The following SLC9A9 variants were observed in gnomAD, a reference collection of about 807,000 sequenced individuals.
SLC9A9 encodes the protein solute carrier family 9 member A9, also known as sodium/hydrogen exchanger 9.
Under a neutral mutation model 77.8 loss-of-function variants are expected in SLC9A9, and 62 were observed. That is an observed-to-expected ratio of 0.80 (90% CI 0.65 to 0.98). The LOEUF (loss-of-function observed/expected upper bound fraction) is 0.98, where lower values mean the gene tolerates loss of function less well. Among genes scored for constraint, SLC9A9 ranks in the 50% least tolerant of loss-of-function variants. The pLI, the probability that SLC9A9 is intolerant of heterozygous loss-of-function variation, is 0.00. For missense variants in SLC9A9, 775 were observed against 774.9 expected (o/e 1.00, Z 0.00); for synonymous variants, 320 against 283.5 (o/e 1.13, Z -1.29).
chr3:143,771,857 A>G (rs2007530748), intron 4 of SLC9A9, among the ~76,000 whole-genome samples: 1 of 152,014 alleles, frequency 6.6e-6, no homozygotes, highest in Admixed American at 6.6e-5. Flanking sequence ...TGGAGAAGGG[A>G]CCACATCTCA....
chr3:143,402,441 C>T (rs1444204849), intron 12 of SLC9A9, among the ~76,000 whole-genome samples: 2 of 127,794 alleles, frequency 1.6e-5, no homozygotes, highest in African/African-American at 3.1e-5. Flanking sequence ...TACTTAGCAC[C>T]TTTGTGTTTT....
chr3:143,833,415 C>A (rs942632489), intron 1 of SLC9A9, among the ~76,000 whole-genome samples: 1 of 152,158 alleles, frequency 6.6e-6, no homozygotes, highest in African/African-American at 2.4e-5. Context: ...GTGCTATGAC[C>A]GCTGGGAAGC....
Position 143,337,306 on chromosome 3 carries a change from C to T in SLC9A9, c.1604+26178G>A, listed in dbSNP as rs576836250. Among the ~76,000 whole-genome samples the T allele has an allele frequency of 1.4e-4, 21 of 152,146 alleles. No homozygotes were observed. The East Asian group carries it at 3.1e-3, about 22-fold the overall frequency. On this transcript the variant is annotated intron_variant, in intron 14 of 15. Coordinates refer to ENST00000316549, the MANE Select transcript of SLC9A9 (RefSeq NM_173653.4). ...TCAGAACTGGCCACTGTGGATTTTC[C>T]GAGGCATTTATAGCCTTCTCTAAAT...
chr3:143,274,801 C>A (rs535398540), intron 14 of SLC9A9, among the ~76,000 whole-genome samples: 3 of 152,302 alleles, frequency 2.0e-5, no homozygotes, highest in Non-Finnish European at 4.4e-5. Context: ...GCTACCATAA[C>A]AATTACCTAA....
intron 12 of SLC9A9, among the ~76,000 whole-genome samples, chr3:143,397,877 G>A (rs1178670403): frequency 6.6e-6 from 1 of 152,044 alleles, no homozygotes; most frequent in Non-Finnish European, 1.5e-5. Context: ...AATAAGGGGG[G>A]AATGCATAGA....
intron 8 of SLC9A9, among the ~76,000 whole-genome samples, chr3:143,571,657 G>C (rs543379402): frequency 4.7e-4 from 71 of 152,052 alleles, no homozygotes; most frequent in African/African-American, 1.6e-3. Context: ...TATTATTCCT[G>C]TATAACTCAT....
At chr3:143,514,195 A>G (rs913254875) in intron 9 of SLC9A9, among the ~76,000 whole-genome samples, 1 of 150,382 alleles carries the variant, frequency 6.6e-6, no homozygotes, top group African/African-American at 2.4e-5. Context: ...AAAGAGCAGC[A>G]ATATTTTGAA....
intron 14 of SLC9A9, among the ~76,000 whole-genome samples, chr3:143,356,250 T>C (rs190191796): frequency 6.6e-6 from 1 of 152,222 alleles, no homozygotes; most frequent in Non-Finnish European, 1.5e-5. Flanking sequence ...ACTATTTAAC[T>C]GTTTTAAATG....
intron 10 of SLC9A9, among the ~76,000 whole-genome samples, chr3:143,494,266 T>G (rs1037545371): frequency 6.6e-6 from 1 of 152,242 alleles, no homozygotes; most frequent in African/African-American, 2.4e-5. Flanking sequence ...CCTGTCTAAT[T>G]ACATAATACA....
At chr3:143,653,229 T>C (rs1434213559) in intron 5 of SLC9A9, among the ~76,000 whole-genome samples, 1 of 152,210 alleles carries the variant, frequency 6.6e-6, no homozygotes, top group Non-Finnish European at 1.5e-5. Flanking sequence ...CATGGCCTGC[T>C]ACTATATGCC....
intron 14 of SLC9A9, among the ~76,000 whole-genome samples, chr3:143,272,052 T>G (rs1937913512): frequency 6.6e-6 from 1 of 152,176 alleles, no homozygotes; most frequent in African/African-American, 2.4e-5. Flanking sequence ...CAAATGAGTT[T>G]TCTGAGTGCT....
chr3:143,286,017 A>C (rs1377119229), intron 14 of SLC9A9, among the ~76,000 whole-genome samples: 5 of 152,150 alleles, frequency 3.3e-5, no homozygotes, highest in African/African-American at 7.2e-5. Flanking sequence ...AGAGCCTAGG[A>C]AAGGCTGGAA....
At chr3:143,449,839 T>TAAAATATATA (rs1343040989) in intron 12 of SLC9A9, among the ~76,000 whole-genome samples, 86 of 27,762 alleles carry the variant, frequency 3.1e-3, no homozygotes, top group Non-Finnish European at 3.9e-3. Flanking sequence ...TAATTATATG[T>TAAAATATATA]ATTATATATA....
chr3:143,832,251 G>C, intron 1 of SLC9A9, 30 bp from the exon 2 acceptor site: 1 of 1,574,362 alleles, frequency 6.4e-7, no homozygotes, highest in Non-Finnish European at 8.7e-7. Context: ...TAATGGTACT[G>C]GAGGAAGGCA....
chr3:143,270,593 T>TA (rs1042255420), intron 14 of SLC9A9, among the ~76,000 whole-genome samples: 3 of 151,734 alleles, frequency 2.0e-5, no homozygotes, highest in Non-Finnish European at 4.4e-5. Context: ...GAGTACAAAT[T>TA]AAAAAAAATC....
chr3:143,383,627 G>A (rs1050009857), intron 12 of SLC9A9, among the ~76,000 whole-genome samples: 37 of 152,222 alleles, frequency 2.4e-4, no homozygotes, highest in African/African-American at 8.9e-4. Context: ...GAGGGGCCCT[G>A]AAACTCAAAC....
intron 8 of SLC9A9, among the ~76,000 whole-genome samples, chr3:143,558,147 G>C (rs1468723158): frequency 6.6e-6 from 1 of 152,222 alleles, no homozygotes; most frequent in East Asian, 1.9e-4. Context: ...TGGGTACATA[G>C]AAGTTAATAA....
chr3:143,761,940 C>A (rs2007139329), intron 4 of SLC9A9, among the ~76,000 whole-genome samples: 1 of 152,114 alleles, frequency 6.6e-6, no homozygotes, highest in African/African-American at 2.4e-5. Context: ...TGGAACCAAC[C>A]CAAATGTCCA....
intron 12 of SLC9A9, among the ~76,000 whole-genome samples, chr3:143,461,346 C>A (rs948074802): frequency 6.6e-6 from 1 of 152,136 alleles, no homozygotes; most frequent in African/African-American, 2.4e-5. Flanking sequence ...GAGACTATTT[C>A]TATTTCCCAT....
Sources: gnomAD v4.1 joint callset for allele counts (sites outside exome capture counted in the v4.1 genomes callset) on GRCh38, gnomAD v4.1.1 for gene constraint, MANE v1.5 for transcripts, NCBI Gene and HGNC (gene_info 2026-07-23, HGNC 2026-07-21) for gene names.